The following ENDOD1 variants were observed in gnomAD, a reference collection of about 807,000 sequenced individuals.
The protein encoded by ENDOD1 is endonuclease domain containing 1.
A neutral mutation model predicts 6.5 loss-of-function variants in ENDOD1; 9 were observed. The observed-to-expected ratio is 1.39, with a 90% CI of 0.84 to 2.43. ENDOD1 has a LOEUF of 2.43. Ranked by LOEUF, ENDOD1 falls within the 30% of genes most tolerant of loss-of-function variation. ENDOD1 has a pLI of 0.00. For synonymous variants in ENDOD1, 255 were observed against 255.2 expected (o/e 1.00, Z 0.01); for missense variants, 648 against 635.5 (o/e 1.02, Z -0.21).
intron 1 of ENDOD1, among the ~76,000 whole-genome samples, chr11:95,123,905 G>T (rs1418333011): frequency 6.6e-6 from 1 of 152,016 alleles, no homozygotes; most frequent in Non-Finnish European, 1.5e-5. Flanking sequence ...TAGGGGTCTG[G>T]CAGGGGCAAC....
chr11:95,103,586 ACT>A (rs1366037644), intron 1 of ENDOD1, among the ~76,000 whole-genome samples: 1 of 152,232 alleles, frequency 6.6e-6, no homozygotes, highest in African/African-American at 2.4e-5. Flanking sequence ...GGTTTACTTA[ACT>A]CTCTCTCACT....
At chr11:95,107,991 C>T (rs909298741) in intron 1 of ENDOD1, among the ~76,000 whole-genome samples, 4 of 152,134 alleles carry the variant, frequency 2.6e-5, no homozygotes, top group African/African-American at 9.7e-5. Context: ...TTCTTAGGCT[C>T]CCTGGAGGAG....
At position 95,100,865 on chromosome 11, in the gene ENDOD1, G is replaced by GTTTTTT. The variant is rs34680715; in HGVS notation, c.300+10654_300+10659dup. On this transcript the variant is annotated intron_variant, in intron 1 of 1. Coordinates refer to ENST00000278505, the MANE Select transcript of ENDOD1 (RefSeq NM_015036.3). ...TCATAGATCTTTGTACCTGCTGGGT[G>GTTTTTT]TTTTTTTTTTTTTTTTTTTTTGCCT... Among the ~76,000 whole-genome samples the GTTTTTT allele has an allele frequency of 9.4e-4, 68 of 72,266 alleles. 3 individuals are homozygous for GTTTTTT. The highest frequency in any genetic ancestry group is 1.1e-3 in the Non-Finnish European group (46 of 42,116). 47.4% of individuals were successfully genotyped at this position (72,266 alleles called of 152,430 possible). A position where few individuals can be genotyped will look rare whatever the true frequency, so the allele number is the denominator to read the frequency against.
At chr11:95,127,123 A>G (rs1419902766) in intron 1 of ENDOD1, among the ~76,000 whole-genome samples, 1 of 152,202 alleles carries the variant, frequency 6.6e-6, no homozygotes, top group Non-Finnish European at 1.5e-5. Context: ...ATAAAGATCA[A>G]CAAGAATGCC....
chr11:95,092,965 G>A lies in ENDOD1; in HGVS notation c.300+2738G>A, dbSNP rs79899367. ...GGGAGGAAGAGGCAGGAGACCAAAG[G>A]AACTCAGTGCTTGCCTCCAGTGATG... On this transcript the variant is annotated intron_variant, in intron 1 of 1. Transcript: ENST00000278505. Among the ~76,000 whole-genome samples, 1,269 of 152,330 alleles carry A rather than the reference G, an allele frequency of 8.3e-3. 10 individuals are homozygous for A. The highest frequency in any genetic ancestry group is 0.012 in the Non-Finnish European group (842 of 68,030).
At chr11:95,118,677 G>A (rs1345730237) in intron 1 of ENDOD1, among the ~76,000 whole-genome samples, 2 of 152,092 alleles carry the variant, frequency 1.3e-5, no homozygotes, top group African/African-American at 4.8e-5. Context: ...TAACCTTCTT[G>A]TACCTGGATA....
At chr11:95,106,541 G>A (rs188736874) in intron 1 of ENDOD1, among the ~76,000 whole-genome samples, 61 of 152,272 alleles carry the variant, frequency 4.0e-4, no homozygotes, top group African/African-American at 1.4e-3. Context: ...GTAGTGAAAT[G>A]TTCAAAGGAA....
intron 1 of ENDOD1, among the ~76,000 whole-genome samples, chr11:95,125,520 G>C (rs1400397984): frequency 6.6e-6 from 1 of 151,952 alleles, no homozygotes; most frequent in African/African-American, 2.4e-5. Flanking sequence ...GTATACATGT[G>C]CCATGTTGGT....
At position 95,131,881 on chromosome 11, in the gene ENDOD1, T is replaced by G. The variant is rs1190348850; in HGVS notation, c.*2302T>G. 1 of 152,218 alleles carries G rather than the reference T, an allele frequency of 6.6e-6. No individual in the cohort carries two copies. The highest frequency in any genetic ancestry group is 1.5e-5 in the Non-Finnish European group (1 of 68,044). The allele number at this position is 152,218 out of a possible 1,614,324, so 9.4% of individuals were successfully genotyped here. Reference sequence around the variant, plus strand: ...TGTTTAGTGTCTATTTATTCTTGGGTGGCCAGTTTTGAAACCTAAAAAGGG... The same window carrying G: ...TGTTTAGTGTCTATTTATTCTTGGGGGGCCAGTTTTGAAACCTAAAAAGGG... On this transcript the variant is annotated 3_prime_UTR_variant, in exon 2 of 2. Coordinates refer to ENST00000278505, the MANE Select transcript of ENDOD1 (RefSeq NM_015036.3).
At position 95,129,157 on chromosome 11, in the gene ENDOD1, C is replaced by T; in HGVS notation, c.1081C>T (p.Leu361=). ...AATCCTGAAGAACATTGTCTATTTCCTGTGGTGTGTTACCAAGCAGGTGAT... is the reference window on the plus strand; with the variant it reads ...AATCCTGAAGAACATTGTCTATTTCTTGTGGTGTGTTACCAAGCAGGTGAT... ...VAILKNIVYF[L]WCVTKQVING... Residue 361 remains leucine, a synonymous_variant, in exon 2 of 2, where the codon CTG becomes TTG. Coordinates refer to ENST00000278505, the MANE Select transcript of ENDOD1 (RefSeq NM_015036.3). 6.2e-7 allele frequency: 1 copy of T among 1,614,060 alleles called. No individual in the cohort carries two copies. Among genetic ancestry groups the T allele is most frequent in the African/African-American group, 1.3e-5 (1 of 74,978 alleles).
chr11:95,123,824 C>T (rs1284945045), intron 1 of ENDOD1, among the ~76,000 whole-genome samples: 2 of 152,120 alleles, frequency 1.3e-5, no homozygotes, highest in Non-Finnish European at 2.9e-5. Flanking sequence ...CATATTTGCT[C>T]TTCTTTCTCC....
In ENDOD1 at chr11:95,101,020, C is replaced by G. The variant is rs782240608; in HGVS notation, c.300+10793C>G. Among the ~76,000 whole-genome samples, 6 of 152,056 alleles carry G rather than the reference C, an allele frequency of 3.9e-5. No homozygotes were observed. The East Asian group carries it at 1.2e-3, about 29-fold the overall frequency. On this transcript the variant is annotated intron_variant, in intron 1 of 1. Coordinates refer to ENST00000278505, the MANE Select transcript of ENDOD1 (RefSeq NM_015036.3). ...TAATTGAGTGGCACCCAACTAGATT[C>G]TAAGTTCCCTGAAGGCAGGGGCCAG...
chr11:95,129,133 A>G lies in ENDOD1; in HGVS notation c.1057A>G (p.Ile353Val). ...ATTAATTTATTACCTTGTGGTAGCAATCCTGAAGAACATTGTCTATTTCCT... is the reference window on the plus strand; with the variant it reads ...ATTAATTTATTACCTTGTGGTAGCAGTCCTGAAGAACATTGTCTATTTCCT... Reference protein sequence around the residue: ...FQLIYYLVVAILKNIVYFLWC... With the variant: ...FQLIYYLVVAVLKNIVYFLWC... The change falls in exon 2 of 2, where the codon ATC (isoleucine) becomes GTC (valine). Residue 353 changes from isoleucine to valine, a missense_variant. By Grantham distance (29) the Ile-to-Val change is conservative (BLOSUM62 3). Transcript: ENST00000278505. 2 of 1,614,114 alleles carry G rather than the reference A, an allele frequency of 1.2e-6. No homozygotes were observed. The highest frequency in any genetic ancestry group is 3.3e-4 in the Middle Eastern group (2 of 6,060).
chr11:95,108,114 G>A (rs555138081), intron 1 of ENDOD1, among the ~76,000 whole-genome samples: 2 of 152,298 alleles, frequency 1.3e-5, no homozygotes, highest in South Asian at 2.1e-4. Flanking sequence ...TGCATTTATT[G>A]CCAGTTTGGA....
chr11:95,102,357 T>C (rs1859048488), intron 1 of ENDOD1, among the ~76,000 whole-genome samples: 2 of 148,476 alleles, frequency 1.3e-5, no homozygotes, highest in Admixed American at 6.7e-5. Flanking sequence ...AGCAGATGGC[T>C]CTTTCCTGCT....
intron 1 of ENDOD1, among the ~76,000 whole-genome samples, chr11:95,102,582 G>A (rs1859051332): frequency 6.6e-6 from 1 of 152,150 alleles, no homozygotes; most frequent in Non-Finnish European, 1.5e-5. Flanking sequence ...TGAGGTAGGA[G>A]AATCCCTTGA....
intron 1 of ENDOD1, among the ~76,000 whole-genome samples, chr11:95,124,220 C>T (rs1425444724): frequency 6.6e-6 from 1 of 152,084 alleles, no homozygotes; most frequent in Admixed American, 6.5e-5. Flanking sequence ...GGAAAAAGTT[C>T]CATTCCTGCT....
intron 1 of ENDOD1, among the ~76,000 whole-genome samples, chr11:95,124,560 T>G (rs1296267661): frequency 6.6e-6 from 1 of 152,210 alleles, no homozygotes; most frequent in East Asian, 1.9e-4. Context: ...TGCCTGTATT[T>G]CTGAAGCATA....
Position 95,129,580 on chromosome 11 carries a change from ACT to A in ENDOD1, c.*3_*4del. On this transcript the variant is annotated 3_prime_UTR_variant, in exon 2 of 2. Coordinates refer to ENST00000278505, the MANE Select transcript of ENDOD1 (RefSeq NM_015036.3). ...TTTTGACAATTCTGGGGAGTTATAA[ACT>A]CAAAAAACTAATAGTATCCAGTCAC... is the stretch of plus-strand genomic sequence containing the variant. 6.2e-7 allele frequency: 1 copy of A among 1,605,368 alleles called. No individual in the cohort carries two copies. The highest frequency in any genetic ancestry group is 8.5e-7 in the Non-Finnish European group (1 of 1,175,328).
Sources: allele counts gnomAD v4.1 joint callset (sites outside exome capture counted in the v4.1 genomes callset), GRCh38; gene constraint gnomAD v4.1.1; transcripts MANE v1.5; gene names NCBI Gene and HGNC (gene_info 2026-07-23, HGNC 2026-07-21).